ATP8A2: variants seen among roughly 807,000 people sequenced by gnomAD.
The protein encoded by ATP8A2 is ATPase phospholipid transporting 8A2.
ATP8A2 carries 100 observed loss-of-function variants against 165.6 expected under a neutral mutation model. The ratio of observed to expected loss-of-function variants is 0.60; its 90% confidence interval spans 0.51 to 0.71. The LOEUF is 0.71. Ranked by LOEUF, ATP8A2 falls within the 30% of genes least tolerant of loss-of-function variation. The pLI is 0.00. For synonymous variants in ATP8A2, 543 were observed against 548.8 expected, an observed-to-expected ratio of 0.99 and a Z score of 0.15; for missense variants, 1,227 against 1,479.5, an observed-to-expected ratio of 0.83 and a Z score of 2.80.
intron 35 of ATP8A2, among the ~76,000 whole-genome samples, chr13:26,005,323 C>T (rs1054941120): frequency 2.6e-5 from 4 of 152,052 alleles, no homozygotes; most frequent in Middle Eastern, 3.4e-3. Context: ...ACTTTATTTG[C>T]GTCTCTCCTT....
At position 25,658,594 on chromosome 13, in the gene ATP8A2, G is replaced by A. The variant is rs527786195; in HGVS notation, c.2212-40579G>A. Among the ~76,000 whole-genome samples, 22 of 152,236 alleles carry A rather than the reference G, an allele frequency of 1.4e-4. No homozygotes were observed. In the East Asian group the frequency reaches 2.7e-3, roughly 19 times the overall value. On this transcript the variant is annotated intron_variant, in intron 24 of 36. Transcript: ENST00000381655. ...GCAGAGGTTGCAGTGAGCAGAGATC[G>A]CACCATTGCACTCCAGCCTGGATGA...
chr13:25,423,907 C>T (rs2034369178), intron 1 of ATP8A2, among the ~76,000 whole-genome samples: 1 of 152,150 alleles, frequency 6.6e-6, no homozygotes, highest in African/African-American at 2.4e-5. Flanking sequence ...ATAATTCTAA[C>T]AGTGTGAGTT....
chr13:25,413,274 C>CTTTTT (rs2034026042), intron 1 of ATP8A2, among the ~76,000 whole-genome samples: 2 of 124,068 alleles, frequency 1.6e-5, no homozygotes, highest in South Asian at 2.6e-4. Context: ...TTTTCTTTTT[C>CTTTTT]TTTGTTTTTT....
rs200946887 is a variant in ATP8A2, at chr13:25,860,226, C to T, written c.2988C>T (p.Asp996=). ...TGTTGACAAGTGGTCATGCTACCGA[C>T]TATTTATTTGTTGGAAATATTGTTT... The part of the protein sequence containing the change: ...DTVLTSGHAT[D]YLFVGNIVYT... Residue 996 remains aspartate (D), a synonymous_variant, in exon 31 of 37, where the codon GAC becomes GAT. Transcript: ENST00000381655. The T allele has an allele frequency of 1.2e-5, 19 of 1,612,226 alleles. No homozygotes were observed. The East Asian group carries it at 3.6e-4, about 30-fold the overall frequency.
intron 2 of ATP8A2, among the ~76,000 whole-genome samples, chr13:25,500,808 C>T (rs928687952): frequency 4.6e-5 from 7 of 152,140 alleles, no homozygotes; most frequent in African/African-American, 1.4e-4. Flanking sequence ...TTCTCCTGGA[C>T]TCAAGTGATC....
intron 35 of ATP8A2, among the ~76,000 whole-genome samples, chr13:26,000,700 C>CAA (rs5802358): frequency 0.42 from 46,223 of 110,072 alleles, 10,416 homozygotes; most frequent in East Asian, 0.69. Flanking sequence ...AGTACAGAGC[C>CAA]AAAAAAAAAA....
At chr13:25,920,986 C>G (rs746930922) in intron 33 of ATP8A2, among the ~76,000 whole-genome samples, 1 of 152,128 alleles carries the variant, frequency 6.6e-6, no homozygotes, top group Non-Finnish European at 1.5e-5. Context: ...GGGAGAATCT[C>G]CTGAGCCTGG....
At chr13:25,884,635 C>T (rs1443490148) in intron 33 of ATP8A2, among the ~76,000 whole-genome samples, 1 of 152,228 alleles carries the variant, frequency 6.6e-6, no homozygotes, top group Non-Finnish European at 1.5e-5. Context: ...TCCTGATCCT[C>T]TGTCAGATGC....
intron 30 of ATP8A2, among the ~76,000 whole-genome samples, chr13:25,857,364 G>A (rs1237113951): frequency 6.6e-6 from 1 of 151,852 alleles, no homozygotes; most frequent in Admixed American, 6.6e-5. Context: ...CTACCTTATA[G>A]CTCCTGTGTT....
At chr13:25,614,577 C>A (rs142753874) in intron 24 of ATP8A2, among the ~76,000 whole-genome samples, 1 of 152,170 alleles carries the variant, frequency 6.6e-6, no homozygotes, top group Non-Finnish European at 1.5e-5. Flanking sequence ...TAAAGGACAT[C>A]GTTTTGTCAT....
In ATP8A2 at chr13:25,431,019, TAC is replaced by T. The variant is rs1407054823; in HGVS notation, c.77-37942_77-37941del. Among the ~76,000 whole-genome samples the T allele has an allele frequency of 5.1e-3, 767 of 151,170 alleles. 4 individuals carry two copies. Among genetic ancestry groups the T allele is most frequent in the African/African-American group, 0.01 (418 of 41,278 alleles). ...AAACACACACACACACACATATATA[TAC>T]ACACACACACACACATAATGGGTGT... On this transcript the variant is annotated intron_variant, in intron 1 of 36. Coordinates refer to ENST00000381655, the MANE Select transcript of ATP8A2 (RefSeq NM_016529.6).
chr13:25,996,226 A>G (rs1214509190), intron 35 of ATP8A2, among the ~76,000 whole-genome samples: 4 of 152,142 alleles, frequency 2.6e-5, no homozygotes, highest in Non-Finnish European at 5.9e-5. Context: ...TCACCATGTC[A>G]TTCTGTATCT....
intron 24 of ATP8A2, among the ~76,000 whole-genome samples, chr13:25,666,378 T>A (rs2042154994): frequency 6.8e-6 from 1 of 146,774 alleles, no homozygotes; most frequent in Non-Finnish European, 1.5e-5. Context: ...CCCGGCTAAT[T>A]TTTTGTGTGT....
chr13:25,468,882 C>T, intron 1 of ATP8A2, 95 bp from the exon 2 acceptor site: 12 of 1,557,590 alleles, frequency 7.7e-6, no homozygotes, highest in Non-Finnish European at 1.0e-5. Flanking sequence ...TCCTTCCCCG[C>T]CGGTGGCCGC....
At chr13:25,607,789 TCTA>T (rs2040556414) in intron 24 of ATP8A2, among the ~76,000 whole-genome samples, 1 of 152,258 alleles carries the variant, frequency 6.6e-6, no homozygotes, top group Non-Finnish European at 1.5e-5. Flanking sequence ...AGTAGATTCA[TCTA>T]CTACACTTTT....
chr13:25,480,468 C>T (rs1226472156), intron 2 of ATP8A2, among the ~76,000 whole-genome samples: 6 of 145,586 alleles, frequency 4.1e-5, no homozygotes, highest in Admixed American at 2.0e-4. Flanking sequence ...CGCTCCTCAC[C>T]TCCCAGACGG....
intron 24 of ATP8A2, among the ~76,000 whole-genome samples, chr13:25,593,889 A>T (rs147488172): frequency 4.7e-4 from 72 of 152,348 alleles, no homozygotes; most frequent in African/African-American, 1.7e-3. Flanking sequence ...TGAATTGAGG[A>T]TAACAACATT....
intron 27 of ATP8A2, among the ~76,000 whole-genome samples, chr13:25,791,156 C>T (rs1387972800): frequency 4.6e-5 from 7 of 152,086 alleles, no homozygotes; most frequent in African/African-American, 2.4e-5. Context: ...CAATGATAGA[C>T]TGGATAAAGA....
chr13:26,021,162 T>C lies in ATP8A2; in HGVS notation c.*1177T>C, dbSNP rs1186278754. 1 of 151,894 alleles carries C rather than the reference T, an allele frequency of 6.6e-6. No homozygotes were observed. The highest frequency in any genetic ancestry group is 1.5e-5 in the Non-Finnish European group (1 of 67,992). 9.4% of individuals were successfully genotyped at this position (151,894 alleles called of 1,614,324 possible). A position where few individuals can be genotyped will look rare whatever the true frequency, so the allele number is the denominator to read the frequency against. On this transcript the variant is annotated 3_prime_UTR_variant, in exon 37 of 37. Transcript: ENST00000381655. ...AACCCAGATGCAAGAGTATAGGACA[T>C]TGAGTGGGGAGAACAAGACGACCAC...
Sources: allele counts gnomAD v4.1 joint callset (sites outside exome capture counted in the v4.1 genomes callset), GRCh38; gene constraint gnomAD v4.1.1; transcripts MANE v1.5; gene names NCBI Gene and HGNC (gene_info 2026-07-23, HGNC 2026-07-21).